The following FSTL4 variants were observed in gnomAD, a reference collection of about 807,000 sequenced individuals.
FSTL4 encodes the protein follistatin-related protein 4.
FSTL4 carries 28 observed loss-of-function variants against 78.2 expected under a neutral mutation model. That is an observed-to-expected ratio of 0.36 (90% confidence interval 0.27 to 0.49). The LOEUF is 0.49. FSTL4 is among the 20% of genes least tolerant of loss of function. The probability of loss-of-function intolerance (pLI) is 0.98; values close to 1 mark genes in which losing one functional copy is unlikely to be tolerated. For missense variants in FSTL4, 922 were observed against 1,084.9 expected (o/e 0.85, Z 2.11); for synonymous variants, 422 against 440.5 (o/e 0.96, Z 0.53).
the FSTL4 span, among the ~76,000 whole-genome samples, chr5:133,798,771 C>T: frequency 2.0e-5 from 3 of 152,236 alleles, no homozygotes; most frequent in East Asian, 5.8e-4. Context: ...GCCCTGTACT[C>T]CCCAAACCCA....
At chr5:133,657,776 T>TTTTG in the FSTL4 span, among the ~76,000 whole-genome samples, 1 of 26,342 alleles carries the variant, frequency 3.8e-5, no homozygotes, top group Non-Finnish European at 6.2e-5. Context: ...GTTTTTTTTG[T>TTTTG]TTTTTTTTTT....
intron 13 of FSTL4, among the ~76,000 whole-genome samples, chr5:133,213,178 T>G (rs568930230): frequency 1.0e-3 from 155 of 152,294 alleles, no homozygotes; most frequent in African/African-American, 3.6e-3. Flanking sequence ...AATTTTTGTA[T>G]TTTTAGTACA....
the FSTL4 span, among the ~76,000 whole-genome samples, chr5:133,662,743 G>A: frequency 1.9e-3 from 285 of 152,224 alleles, 3 homozygotes; most frequent in African/African-American, 6.5e-3. Context: ...TACTGTGAAC[G>A]CTCCTGTAGG....
the FSTL4 span, among the ~76,000 whole-genome samples, chr5:133,633,587 A>G: frequency 1.3e-5 from 2 of 152,128 alleles, no homozygotes; most frequent in African/African-American, 4.8e-5. Context: ...TTATCAAATA[A>G]TTCCAACATC....
At chr5:133,241,896 C>T (rs1561639121) in intron 7 of FSTL4, among the ~76,000 whole-genome samples, 1 of 152,210 alleles carries the variant, frequency 6.6e-6, no homozygotes, top group Non-Finnish European at 1.5e-5. Flanking sequence ...GTCGTTGAGA[C>T]ACTCCAGAGA....
chr5:133,532,876 T>C (rs1449457192), intron 3 of FSTL4, among the ~76,000 whole-genome samples: 1 of 152,032 alleles, frequency 6.6e-6, no homozygotes, highest in Non-Finnish European at 1.5e-5. Context: ...GTCTCCCCTT[T>C]GGTCAAGGGA....
At chr5:133,242,571 C>T (rs981416188) in intron 7 of FSTL4, among the ~76,000 whole-genome samples, 7 of 152,174 alleles carry the variant, frequency 4.6e-5, no homozygotes, top group African/African-American at 1.2e-4. Flanking sequence ...AAGAGGACCT[C>T]GAAAGAGGCA....
At chr5:133,488,226 A>C (rs1341034679) in intron 3 of FSTL4, among the ~76,000 whole-genome samples, 2 of 152,228 alleles carry the variant, frequency 1.3e-5, no homozygotes, top group African/African-American at 4.8e-5. Flanking sequence ...TTAAAAAAGA[A>C]AAGCCAAGAT....
intron 3 of FSTL4, among the ~76,000 whole-genome samples, chr5:133,559,701 G>T (rs767165880): frequency 1.3e-5 from 2 of 152,186 alleles, no homozygotes; most frequent in African/African-American, 2.4e-5. Flanking sequence ...TCATTATCCT[G>T]CCCACACCGA....
intron 4 of FSTL4, among the ~76,000 whole-genome samples, chr5:133,380,069 A>AAAAT (rs1755530036): frequency 1.3e-5 from 2 of 149,366 alleles, no homozygotes; most frequent in Admixed American, 6.7e-5. Flanking sequence ...TCTCAAAAAA[A>AAAAT]AAAATAAAAT....
chr5:133,607,881 T>C (rs1218330165), intron 1 of FSTL4, among the ~76,000 whole-genome samples: 1 of 112,952 alleles, frequency 8.9e-6, no homozygotes, highest in Non-Finnish European at 1.8e-5. Flanking sequence ...GCTCTATTTA[T>C]GGGCTAAGAA....
intron 15 of FSTL4, among the ~76,000 whole-genome samples, chr5:133,200,545 T>C (rs1191957486): frequency 1.3e-5 from 2 of 152,234 alleles, no homozygotes; most frequent in Admixed American, 6.5e-5. Flanking sequence ...CTAGGGCTAT[T>C]GGGAGGATTT....
the FSTL4 span, among the ~76,000 whole-genome samples, chr5:133,619,986 T>C: frequency 6.6e-6 from 1 of 152,204 alleles, no homozygotes; most frequent in Admixed American, 6.5e-5. Flanking sequence ...ATAAGTTCCA[T>C]TTTGTATCAT....
At chr5:133,326,238 A>G (rs2126902969) in intron 4 of FSTL4, among the ~76,000 whole-genome samples, 1 of 152,314 alleles carries the variant, frequency 6.6e-6, no homozygotes, top group Non-Finnish European at 1.5e-5. Context: ...GCCAAAACCA[A>G]TGGGCTTATC....
rs138298693 is a variant in FSTL4 at position 133,598,935 on chromosome 5, G to A, written c.126+4923C>T. ...TGGACCCCCGTTGGTTCACCGGGAA[G>A]AGGGAGTTCCTTTTATTTATGCCCA... On this transcript the variant is annotated intron_variant, in intron 2 of 15. Transcript: ENST00000265342. Among the ~76,000 whole-genome samples the A allele has an allele frequency of 1.2e-3, 188 of 152,330 alleles. 1 individual carries two copies. Among genetic ancestry groups the A allele is most frequent in the African/African-American group, 4.5e-3 (185 of 41,566 alleles).
At chr5:133,476,048 G>C (rs959021031) in intron 3 of FSTL4, among the ~76,000 whole-genome samples, 3 of 152,162 alleles carry the variant, frequency 2.0e-5, no homozygotes, top group Non-Finnish European at 4.4e-5. Context: ...AAAGGAGGAG[G>C]ACGAGAGAAA....
rs1163896501 is a variant in FSTL4 at position 133,224,225 on chromosome 5, G to A, written c.1313-9C>T. ...CCACAGGATGTTTGCAACTGCAGCA[G>A]CAGAGAATGAGGAAAGCAGGAGTGT... On this transcript the variant is annotated splice_polypyrimidine_tract_variant and intron_variant, in intron 10 of 15. Coordinates refer to ENST00000265342, the MANE Select transcript of FSTL4 (RefSeq NM_015082.2). The A allele has an allele frequency of 1.9e-6, 3 of 1,611,064 alleles. No homozygotes were observed. The highest frequency in any genetic ancestry group is 2.5e-6 in the Non-Finnish European group (3 of 1,177,398).
intron 3 of FSTL4, among the ~76,000 whole-genome samples, chr5:133,413,722 T>C (rs850199): frequency 0.5 from 76,461 of 151,884 alleles, 20,630 homozygotes; most frequent in Non-Finnish European, 0.62. Context: ...CTTTCGCATT[T>C]CCCATCTTTG....
At chr5:133,629,533 C>T in the FSTL4 span, among the ~76,000 whole-genome samples, 1,236 of 152,214 alleles carry the variant, frequency 8.1e-3, 18 homozygotes, top group African/African-American at 0.028. Flanking sequence ...AAGCCCAGGA[C>T]CAGACAGATT....
Sources: gnomAD v4.1 joint callset for allele counts (sites outside exome capture counted in the v4.1 genomes callset) on GRCh38, gnomAD v4.1.1 for gene constraint, MANE v1.5 for transcripts, NCBI Gene and HGNC (gene_info 2026-07-23, HGNC 2026-07-21) for gene names.